The following MAML3 variants were observed in gnomAD, a reference collection of about 807,000 sequenced individuals.
MAML3 encodes the protein mastermind like transcriptional coactivator 3.
In MAML3, 27 loss-of-function variants were observed where a neutral mutation model predicts 101.9. That is an observed-to-expected ratio of 0.27 (90% CI 0.20 to 0.37). MAML3 has a LOEUF of 0.37. Ranked by LOEUF, MAML3 falls within the 10% of genes least tolerant of loss-of-function variation. The pLI, the probability that MAML3 is intolerant of heterozygous loss-of-function variation, is 1.00. For missense variants in MAML3, 1,316 were observed against 1,444.9 expected (o/e 0.91, Z 1.45); for synonymous variants, 501 against 555.9 (o/e 0.90, Z 1.39).
intron 2 of MAML3, among the ~76,000 whole-genome samples, chr4:139,868,092 G>C (rs1253080467): frequency 1.3e-5 from 2 of 152,212 alleles, no homozygotes; most frequent in East Asian, 3.8e-4. Flanking sequence ...ACATCTGTGG[G>C]TGTGAGTGTG....
rs868594021 is a variant in MAML3 at position 139,954,589 on chromosome 4, G to T, written c.469-63622C>A. Among the ~76,000 whole-genome samples the T allele has an allele frequency of 3.9e-5, 6 of 152,332 alleles. 1 individual carries two copies. In the South Asian group the frequency reaches 1.2e-3, roughly 32 times the overall value. On this transcript the variant is annotated intron_variant, in intron 1 of 4. Coordinates refer to ENST00000509479, the MANE Select transcript of MAML3 (RefSeq NM_018717.5). ...GAGTCCAGAGGCTGGAGCCAAGGCA[G>T]CTCAAACACAAGGAAATCCAGGCAG... is the stretch of plus-strand genomic sequence containing the variant.
At chr4:139,801,771 A>G (rs997690553) in intron 2 of MAML3, among the ~76,000 whole-genome samples, 5 of 151,994 alleles carry the variant, frequency 3.3e-5, no homozygotes, top group African/African-American at 1.2e-4. Context: ...GGTGCTTAGG[A>G]TCAGCAGCAG....
In MAML3 at chr4:140,119,612, T is replaced by TTCCTTCCTCCCC. The variant is rs1728572289; in HGVS notation, c.468+33247_468+33248insGGGGAGGAAGGA. Among the ~76,000 whole-genome samples, 4 of 97,178 alleles carry TTCCTTCCTCCCC rather than the reference T, an allele frequency of 4.1e-5. No homozygotes were observed. In the South Asian group the frequency reaches 1.5e-3, roughly 36 times the overall value. The allele number at this position is 97,178 out of a possible 152,430, so 63.8% of individuals were successfully genotyped here. On this transcript the variant is annotated intron_variant, in intron 1 of 4. Coordinates refer to ENST00000509479, the MANE Select transcript of MAML3 (RefSeq NM_018717.5). ...TTTTCCCCCTCCCTCCCTCCCTCCC[T>TTCCTTCCTCCCC]TCCTTCCTCCCTTCCTTTTTTTTTT...
rs765421916 is a variant in MAML3 at position 139,889,951 on chromosome 4, CTGCTGCTGCTGCTGCTGT to C, written c.1467_1484del (p.Gln505_Gln510del). The C allele has an allele frequency of 8.3e-6, 13 of 1,563,214 alleles. 2 individuals are homozygous for C. Among genetic ancestry groups the C allele is most frequent in the African/African-American group, 1.3e-5 (1 of 74,328 alleles). ...GCTGCTGCTGCTGCTGCTGCTGCTG[CTGCTGCTGCTGCTGCTGT>C]TGCTGTTGCTGTTTCTGCTGCATGA... is the stretch of plus-strand genomic sequence containing the variant. On this transcript the variant is annotated inframe_deletion, in exon 2 of 5. Coordinates refer to ENST00000509479, the MANE Select transcript of MAML3 (RefSeq NM_018717.5).
chr4:139,874,928 C>G (rs907597732), intron 2 of MAML3, among the ~76,000 whole-genome samples: 1 of 151,934 alleles, frequency 6.6e-6, no homozygotes, highest in South Asian at 2.1e-4. Context: ...CACAGCCTCC[C>G]GAGTAGCTGG....
intron 1 of MAML3, among the ~76,000 whole-genome samples, chr4:140,039,001 C>G (rs191384202): frequency 2.0e-4 from 30 of 152,170 alleles, no homozygotes; most frequent in African/African-American, 7.2e-4. Context: ...CGCCTATGAT[C>G]CCAGCTACTC....
chr4:139,830,007 T>C (rs1322372111), intron 2 of MAML3, among the ~76,000 whole-genome samples: 4 of 152,208 alleles, frequency 2.6e-5, no homozygotes, highest in African/African-American at 7.2e-5. Flanking sequence ...TAGAGAAATA[T>C]GAAAGCTTTT....
chr4:139,721,823 G>A (rs1414293144), intron 4 of MAML3, among the ~76,000 whole-genome samples: 1 of 152,140 alleles, frequency 6.6e-6, no homozygotes, highest in Non-Finnish European at 1.5e-5. Flanking sequence ...AAAGTTCCTA[G>A]TAAAACACTG....
At position 139,889,535 on chromosome 4, in the gene MAML3, T is replaced by C; in HGVS notation, c.1901A>G (p.Gln634Arg). ...TTGCTGTTGCTGCTGCTGTTGCTGC[T>C]GCTGGATATACGGCATCAAGGGGTT... ...NKNPLMPYIQ[Q>R]QQQQQQQQQQ... Residue 634 changes from glutamine (Q) to arginine (R), a missense_variant, in exon 2 of 5, where the codon CAG (glutamine) becomes CGG (arginine). Coordinates refer to ENST00000509479, the MANE Select transcript of MAML3 (RefSeq NM_018717.5). 1 of 1,613,888 alleles carries C rather than the reference T, an allele frequency of 6.2e-7. No individual in the cohort carries two copies. The highest frequency in any genetic ancestry group is 1.3e-5 in the African/African-American group (1 of 75,020).
At chr4:139,950,878 GCCTGAAGGGCTTGAAGAGGCCAT>G (rs1052778978) in intron 1 of MAML3, among the ~76,000 whole-genome samples, 2 of 152,182 alleles carry the variant, frequency 1.3e-5, no homozygotes, top group African/African-American at 2.4e-5. Context: ...CTCTGGGCCA[GCCTGAAGGGCTTGAAGAGGCCAT>G]CGGGTTACTA....
At chr4:140,122,469 G>A (rs1188438297) in intron 1 of MAML3, among the ~76,000 whole-genome samples, 1 of 152,074 alleles carries the variant, frequency 6.6e-6, no homozygotes, top group Admixed American at 6.5e-5. Flanking sequence ...TGATCTGCCT[G>A]CCTTAGCCTA....
At chr4:139,826,666 C>T (rs1731065923) in intron 2 of MAML3, among the ~76,000 whole-genome samples, 1 of 152,186 alleles carries the variant, frequency 6.6e-6, no homozygotes, top group Non-Finnish European at 1.5e-5. Flanking sequence ...ACATAATTGC[C>T]TGCTAGGGAA....
At chr4:139,771,871 A>G (rs1025672601) in intron 2 of MAML3, among the ~76,000 whole-genome samples, 1 of 151,670 alleles carries the variant, frequency 6.6e-6, no homozygotes, top group Non-Finnish European at 1.5e-5. Context: ...TCACCAGGTG[A>G]TACACTGAAG....
At chr4:140,005,322 C>A (rs1726426480) in intron 1 of MAML3, among the ~76,000 whole-genome samples, 1 of 152,142 alleles carries the variant, frequency 6.6e-6, no homozygotes, top group African/African-American at 2.4e-5. Context: ...AACCTGGAAA[C>A]ATTAGGAGGA....
At chr4:139,772,354 T>G in intron 2 of MAML3, among the ~76,000 whole-genome samples, 1 of 151,330 alleles carries the variant, frequency 6.6e-6, no homozygotes, top group African/African-American at 2.4e-5. Context: ...TTTGTTAGTT[T>G]TTTTGAGACA....
chr4:139,877,182 T>C (rs575466341), intron 2 of MAML3, among the ~76,000 whole-genome samples: 3 of 152,292 alleles, frequency 2.0e-5, no homozygotes, highest in African/African-American at 7.2e-5. Flanking sequence ...ATCATGACAA[T>C]GTATTGGAAA....
chr4:139,931,501 T>A (rs1313883881), intron 1 of MAML3, among the ~76,000 whole-genome samples: 1 of 152,232 alleles, frequency 6.6e-6, no homozygotes, highest in Non-Finnish European at 1.5e-5. Context: ...TAGGTTTTTA[T>A]GCTTTAATAC....
At chr4:139,849,205 A>AATAATGCTCTC (rs1369301300) in intron 2 of MAML3, among the ~76,000 whole-genome samples, 3 of 152,216 alleles carry the variant, frequency 2.0e-5, no homozygotes, top group African/African-American at 7.2e-5. Flanking sequence ...ATGAACAAAC[A>AATAATGCTCTC]TAGGTATTAT....
intron 1 of MAML3, among the ~76,000 whole-genome samples, chr4:139,918,077 G>A (rs17005227): frequency 0.015 from 2,316 of 152,156 alleles, 71 homozygotes; most frequent in African/African-American, 0.052. Flanking sequence ...CCTTCCATCT[G>A]TCACCTTTTC....
Sources: gnomAD v4.1 joint callset for allele counts (sites outside exome capture counted in the v4.1 genomes callset) on GRCh38, gnomAD v4.1.1 for gene constraint, MANE v1.5 for transcripts, NCBI Gene and HGNC (gene_info 2026-07-23, HGNC 2026-07-21) for gene names.